The following PRELID2 variants were observed in gnomAD, a reference collection of about 807,000 sequenced individuals.
PRELID2 encodes PRELI domain containing 2.
In PRELID2, 25 loss-of-function variants were observed where a neutral mutation model predicts 28.4. The observed-to-expected ratio is 0.88, with a 90% CI of 0.64 to 1.23. The LOEUF (loss-of-function observed/expected upper bound fraction) is 1.23, where lower values mean the gene tolerates loss of function less well. Ranked by LOEUF, PRELID2 falls within the 50% of genes most tolerant of loss-of-function variation. The pLI is 0.00. For missense variants in PRELID2, 201 were observed against 214.4 expected, an observed-to-expected ratio of 0.94 and a Z score of 0.39; for synonymous variants, 76 against 71.6, an observed-to-expected ratio of 1.06 and a Z score of -0.31.
chr5:145,630,355 A>G (rs557356653), intron 1 of PRELID2, among the ~76,000 whole-genome samples: 1 of 148,910 alleles, frequency 6.7e-6, no homozygotes, highest in African/African-American at 2.6e-5. Flanking sequence ...AAAGTGGTAG[A>G]AAAAAAGCTT....
the PRELID2 span, among the ~76,000 whole-genome samples, chr5:145,323,009 G>A: frequency 3.3e-5 from 5 of 152,092 alleles, no homozygotes; most frequent in South Asian, 2.1e-4. Flanking sequence ...ATAAATAAAC[G>A]AATAAATACA....
At chr5:145,271,455 A>T in the PRELID2 span, among the ~76,000 whole-genome samples, 1 of 152,004 alleles carries the variant, frequency 6.6e-6, no homozygotes, top group South Asian at 2.1e-4. Flanking sequence ...GGCTCAAGTG[A>T]TCCTCCTACC....
At chr5:145,445,388 T>A in the PRELID2 span, among the ~76,000 whole-genome samples, 1 of 151,946 alleles carries the variant, frequency 6.6e-6, no homozygotes, top group East Asian at 1.9e-4. Context: ...TCAAAATGAA[T>A]CAAAGACCTA....
intron 3 of PRELID2, among the ~76,000 whole-genome samples, chr5:145,818,472 T>A (rs886531104): frequency 1.3e-5 from 2 of 152,316 alleles, no homozygotes; most frequent in South Asian, 4.1e-4. Context: ...TAGAAATGTA[T>A]GGTTTCCTAG....
the PRELID2 span, among the ~76,000 whole-genome samples, chr5:145,463,231 T>C: frequency 6.6e-6 from 1 of 152,196 alleles, no homozygotes; most frequent in Non-Finnish European, 1.5e-5. Context: ...TCCTTCATTT[T>C]GGTCTAACCT....
At position 145,652,515 on chromosome 5, in the gene PRELID2, C is replaced by A. The variant is rs1016214084; in HGVS notation, n.70+112416G>T. On this transcript the variant is annotated intron_variant and non_coding_transcript_variant, in intron 1 of 2. Transcript: ENST00000510259. Reference sequence around the variant, plus strand: ...CAGCCAGAGAGAAAGGTCGGGTTACCCACAAGGGGAAGCCCATGAGACTAA... The same window carrying A: ...CAGCCAGAGAGAAAGGTCGGGTTACACACAAGGGGAAGCCCATGAGACTAA... 3.9e-5 allele frequency among the ~76,000 whole-genome samples: 6 copies of A among 152,274 alleles called. No individual in the cohort carries two copies. In the South Asian group the frequency reaches 1.2e-3, roughly 32 times the overall value.
chr5:145,245,301 G>C, the PRELID2 span, among the ~76,000 whole-genome samples: 2 of 151,770 alleles, frequency 1.3e-5, no homozygotes. Flanking sequence ...TTGTATTTCA[G>C]AAAAAAATAA....
chr5:145,693,862 G>T (rs962960546), intron 1 of PRELID2, among the ~76,000 whole-genome samples: 9 of 152,344 alleles, frequency 5.9e-5, no homozygotes, highest in African/African-American at 2.2e-4. Flanking sequence ...TGATGTTGGA[G>T]AAGAATATAT....
intron 1 of PRELID2, among the ~76,000 whole-genome samples, chr5:145,704,656 A>C (rs1755495958): frequency 6.6e-6 from 1 of 152,228 alleles, no homozygotes; most frequent in Admixed American, 6.5e-5. Flanking sequence ...GCCACTTTGT[A>C]AATAGTTTTC....
At chr5:145,293,398 A>T in the PRELID2 span, among the ~76,000 whole-genome samples, 1 of 152,214 alleles carries the variant, frequency 6.6e-6, no homozygotes, top group Non-Finnish European at 1.5e-5. Context: ...TACTTGGCAT[A>T]AATGTATGTT....
At chr5:145,791,359 A>T (rs1371621218) in intron 5 of PRELID2, among the ~76,000 whole-genome samples, 1 of 152,156 alleles carries the variant, frequency 6.6e-6, no homozygotes, top group East Asian at 1.9e-4. Context: ...GACAAACAAA[A>T]TGTGATATAT....
the PRELID2 span, among the ~76,000 whole-genome samples, chr5:145,410,594 G>A: frequency 6.6e-6 from 1 of 152,042 alleles, no homozygotes; most frequent in Non-Finnish European, 1.5e-5. Context: ...ATTGAAGGAG[G>A]AGTCCCTTTA....
chr5:145,310,637 G>T, the PRELID2 span, among the ~76,000 whole-genome samples: 1 of 152,110 alleles, frequency 6.6e-6, no homozygotes, highest in African/African-American at 2.4e-5. Context: ...CATCAGTTGG[G>T]TTACTCAACT....
At chr5:145,361,851 C>A in the PRELID2 span, among the ~76,000 whole-genome samples, 1 of 152,094 alleles carries the variant, frequency 6.6e-6, no homozygotes, top group Non-Finnish European at 1.5e-5. Context: ...GGCAATTTCC[C>A]TACTTTTTCT....
chr5:145,374,541 G>C, the PRELID2 span, among the ~76,000 whole-genome samples: 1 of 151,944 alleles, frequency 6.6e-6, no homozygotes, highest in South Asian at 2.1e-4. Context: ...TGCTAGGTTG[G>C]GGAAGTTTCC....
chr5:145,570,162 T>C (rs554441997), intron 1 of PRELID2, among the ~76,000 whole-genome samples: 1 of 152,326 alleles, frequency 6.6e-6, no homozygotes, highest in South Asian at 2.1e-4. Context: ...ACCAGTCATA[T>C]TGATTAGTAC....
intron 5 of PRELID2, among the ~76,000 whole-genome samples, chr5:145,783,200 C>T (rs1231990766): frequency 6.6e-6 from 1 of 152,166 alleles, no homozygotes; most frequent in Middle Eastern, 3.2e-3. Context: ...GCTGGTAAAC[C>T]AACCAAGAAT....
chr5:145,651,814 C>T lies in PRELID2; in HGVS notation n.70+113117G>A, dbSNP rs183260484. On this transcript the variant is annotated intron_variant and non_coding_transcript_variant, in intron 1 of 2. Transcript: ENST00000510259. ...CCACAAAGATGGGGAAAAAACAGAG[C>T]AGAAAAGCTGAAAATTCTAAAAATC... Among the ~76,000 whole-genome samples the T allele has an allele frequency of 1.7e-3, 258 of 152,286 alleles. 1 individual carries two copies. The highest frequency in any genetic ancestry group is 6.0e-3 in the African/African-American group (248 of 41,568).
At chr5:145,753,927 A>T (rs1169998993), downstream of PRELID2, among the ~76,000 whole-genome samples, 5 of 151,454 alleles carry the variant, frequency 3.3e-5, no homozygotes. Flanking sequence ...CTCCCTTTCC[A>T]CCTTCCTCAG....
Sources: gnomAD v4.1 joint callset for allele counts (sites outside exome capture counted in the v4.1 genomes callset) on GRCh38, gnomAD v4.1.1 for gene constraint, MANE v1.5 for transcripts, NCBI Gene and HGNC (gene_info 2026-07-23, HGNC 2026-07-21) for gene names.